RALY: variants seen among roughly 807,000 people sequenced by gnomAD.
RALY encodes RNA-binding protein Raly.
In RALY, 15 loss-of-function variants were observed where a neutral mutation model predicts 30.7. The observed-to-expected ratio is 0.49, with a 90% CI of 0.33 to 0.75. The LOEUF (loss-of-function observed/expected upper bound fraction) is 0.75, where lower values mean the gene tolerates loss of function less well. Among genes scored for constraint, RALY ranks in the 30% least tolerant of loss-of-function variants. RALY has a pLI of 0.02. For missense variants in RALY, 339 were observed against 414.3 expected, an observed-to-expected ratio of 0.82 and a Z score of 1.58; for synonymous variants, 177 against 170.8, an observed-to-expected ratio of 1.04 and a Z score of -0.28.
At chr20:34,054,591 T>C (rs1224510248) in intron 2 of RALY, among the ~76,000 whole-genome samples, 2 of 152,170 alleles carry the variant, frequency 1.3e-5, no homozygotes, top group African/African-American at 4.8e-5. Context: ...TTCGGGAGGC[T>C]GAGGCAGGTG....
chr20:34,023,576 AG>A (rs2031910192), intron 1 of RALY, among the ~76,000 whole-genome samples: 1 of 151,852 alleles, frequency 6.6e-6, no homozygotes, highest in Admixed American at 6.6e-5. Flanking sequence ...CTTTAGTTCG[AG>A]GGGGTGGGGG....
intron 1 of RALY, among the ~76,000 whole-genome samples, chr20:33,995,571 AG>A (rs951976485): frequency 2.0e-5 from 3 of 152,170 alleles, no homozygotes; most frequent in African/African-American, 7.2e-5. Flanking sequence ...AAATCAGGCA[AG>A]GGAGTTTCTG....
intron 2 of RALY, among the ~76,000 whole-genome samples, chr20:34,057,431 G>A (rs2033280037): frequency 6.6e-6 from 1 of 152,168 alleles, no homozygotes; most frequent in South Asian, 2.1e-4. Flanking sequence ...ACTTTGGGAG[G>A]CTGAGGCGGG....
Position 34,077,031 on chromosome 20 carries a change from G to A in RALY, c.662G>A (p.Gly221Asp). Reference sequence around the variant, plus strand: ...TCCTCCACCCCTTCCCCTCAAGATGGCAAGAAGAAGGGTGATGGAGGTGGC... The same window carrying A: ...TCCTCCACCCCTTCCCCTCAAGATGACAAGAAGAAGGGTGATGGAGGTGGC... ...IAAEQKANPD[G>D]KKKGDGGGAG... The change falls in exon 8 of 10, where the codon GGC (glycine) becomes GAC (aspartate). Residue 221 changes from glycine to aspartate, a missense_variant. By Grantham distance (94) the Gly-to-Asp change is moderately conservative (BLOSUM62 -1). Around this residue, in one of 2 missense-constraint regions of RALY, gnomAD observed 268 missense variants for 280.6 expected, o/e 0.95. Transcript: ENST00000246194. 6.2e-7 allele frequency: 1 copy of A among 1,608,512 alleles called. No individual in the cohort carries two copies. The highest frequency in any genetic ancestry group is 8.5e-7 in the Non-Finnish European group (1 of 1,178,268).
chr20:33,995,567 G>A (rs921860206), intron 1 of RALY, among the ~76,000 whole-genome samples: 2 of 152,314 alleles, frequency 1.3e-5, no homozygotes, highest in South Asian at 2.1e-4. Flanking sequence ...CTAAAAATCA[G>A]GCAAGGGAGT....
At chr20:34,050,347 G>GC (rs1336064349) in intron 2 of RALY, among the ~76,000 whole-genome samples, 3 of 152,310 alleles carry the variant, frequency 2.0e-5, no homozygotes. Context: ...ATGCAAGAGA[G>GC]CCTCTAGTTA....
chr20:34,014,246 C>T (rs1472478335), intron 1 of RALY, among the ~76,000 whole-genome samples: 2 of 151,948 alleles, frequency 1.3e-5, no homozygotes, highest in East Asian at 1.9e-4. Context: ...TTAAAGGACG[C>T]GTATGTAGGG....
intron 1 of RALY, among the ~76,000 whole-genome samples, chr20:34,003,634 G>GTTTTTTTT (rs775178178): frequency 5.3e-5 from 6 of 112,962 alleles, no homozygotes; most frequent in African/African-American, 2.0e-4. Flanking sequence ...ATGCCAAACA[G>GTTTTTTTT]TTTTTTTTTT....
At chr20:34,040,467 G>A (rs904048899) in intron 2 of RALY, among the ~76,000 whole-genome samples, 3 of 152,156 alleles carry the variant, frequency 2.0e-5, no homozygotes, top group African/African-American at 7.2e-5. Context: ...GCTGGTACAG[G>A]ATCCAGATGC....
In RALY at chr20:33,993,927, G is replaced by A. The variant is rs1382458213; in HGVS notation, c.-297G>A. 6.6e-6 allele frequency: 1 copy of A among 151,792 alleles called. No homozygotes were observed. Among genetic ancestry groups the A allele is most frequent in the Non-Finnish European group, 1.5e-5 (1 of 67,810 alleles). 9.4% of individuals were successfully genotyped at this position (151,792 alleles called of 1,614,324 possible). On this transcript the variant is annotated 5_prime_UTR_variant, in exon 1 of 10. Coordinates refer to ENST00000246194, the MANE Select transcript of RALY (RefSeq NM_016732.3). ...CGCGCCGCTGTCAGTGCGGCGGGGC[G>A]CGCGAGCGGCGCCAGCTCGGGGCAG...
intron 1 of RALY, among the ~76,000 whole-genome samples, chr20:34,014,675 A>C (rs1601414524): frequency 6.6e-6 from 1 of 152,318 alleles, no homozygotes; most frequent in East Asian, 1.9e-4. Flanking sequence ...AATTTCCAAT[A>C]ATTAAAAATT....
intron 1 of RALY, among the ~76,000 whole-genome samples, chr20:33,997,597 CTCTT>C (rs1323723205): frequency 2.0e-5 from 3 of 152,104 alleles, no homozygotes; most frequent in Non-Finnish European, 4.4e-5. Flanking sequence ...GAAATGTTCC[CTCTT>C]TCTTCCCCCT....
intron 2 of RALY, among the ~76,000 whole-genome samples, chr20:34,067,444 G>C (rs949034840): frequency 5.3e-5 from 8 of 152,174 alleles, no homozygotes; most frequent in Non-Finnish European, 1.0e-4. Flanking sequence ...GGGATTATGG[G>C]CGTGAGCCAC....
chr20:34,065,554 C>A (rs576563568), intron 2 of RALY, among the ~76,000 whole-genome samples: 3 of 152,320 alleles, frequency 2.0e-5, no homozygotes, highest in Middle Eastern at 3.4e-3. Context: ...CAGTAACAAT[C>A]ATTTGGGCAC....
chr20:34,029,478 AAGGGAGGGAGGGAGGGAGGG>A (rs3831778), intron 1 of RALY, among the ~76,000 whole-genome samples: 1 of 56,182 alleles, frequency 1.8e-5, no homozygotes, highest in African/African-American at 1.5e-4. Context: ...GGAGGGAGGA[AAGGGAGGGAGGGAGGGAGGG>A]AGGGAGGGAG....
intron 1 of RALY, among the ~76,000 whole-genome samples, chr20:34,010,823 G>A (rs1401022280): frequency 6.6e-6 from 1 of 152,102 alleles, no homozygotes; most frequent in Admixed American, 6.6e-5. Context: ...TAAGCAACTT[G>A]CCTAAGGGAT....
chr20:34,031,313 G>A (rs1041320975), intron 1 of RALY, among the ~76,000 whole-genome samples: 4 of 150,230 alleles, frequency 2.7e-5, no homozygotes, highest in African/African-American at 7.4e-5. Flanking sequence ...CATCCCCCTC[G>A]GCCTCCCAAA....
At chr20:34,019,032 G>A (rs1198194203) in intron 1 of RALY, among the ~76,000 whole-genome samples, 1 of 152,110 alleles carries the variant, frequency 6.6e-6, no homozygotes, top group Non-Finnish European at 1.5e-5. Flanking sequence ...TCTAAAAATA[G>A]GATCCCTCGG....
chr20:34,054,728 A>G (rs2033187271), intron 2 of RALY, among the ~76,000 whole-genome samples: 1 of 151,848 alleles, frequency 6.6e-6, no homozygotes. Flanking sequence ...TGGGGGGCTG[A>G]GGCACAAGAA....
Sources: allele counts gnomAD v4.1 joint callset (sites outside exome capture counted in the v4.1 genomes callset), GRCh38; gene constraint gnomAD v4.1.1; regional missense constraint gnomAD v4.1.1; transcripts MANE v1.5; gene names NCBI Gene and HGNC (gene_info 2026-07-23, HGNC 2026-07-21).